DPH5: variants seen among roughly 807,000 people sequenced by gnomAD.
The protein encoded by DPH5 is diphthamide biosynthesis 5, also known as diphthine methyl ester synthase.
A neutral mutation model predicts 31.6 loss-of-function variants in DPH5; 31 were observed. The ratio of observed to expected loss-of-function variants is 0.98; its 90% confidence interval spans 0.74 to 1.32. DPH5 has a LOEUF of 1.32. Among genes scored for constraint, DPH5 ranks in the 40% most tolerant of loss-of-function variants. The pLI is 0.00. For synonymous variants in DPH5, 120 were observed against 115.0 expected (o/e 1.04, Z -0.28); for missense variants, 309 against 335.7 (o/e 0.92, Z 0.62).
intron 6 of DPH5, 138 bp from the exon 7 acceptor site, chr1:100,992,878 T>C (rs1264604946): frequency 9.4e-6 from 5 of 534,586 alleles, no homozygotes; most frequent in Admixed American, 6.3e-5. Context: ...GTACTCACTT[T>C]AAGCATACAC....
chr1:101,011,311 T>C (rs1056731405), intron 4 of DPH5, among the ~76,000 whole-genome samples: 8 of 152,218 alleles, frequency 5.3e-5, no homozygotes, highest in African/African-American at 1.7e-4. Context: ...TATATCTTCA[T>C]AGAAATGTGA....
intron 2 of DPH5, chr1:101,024,960 AG>A (rs1346441805): frequency 4.8e-6 from 1 of 210,406 alleles, no homozygotes; most frequent in African/African-American, 2.3e-5. Flanking sequence ...CAACTCATTA[AG>A]GCTGTGTCAG....
chr1:101,013,600 ATAG>A (rs957564478), intron 4 of DPH5, 107 bp downstream of exon 4: 8 of 762,892 alleles, frequency 1.0e-5, no homozygotes, highest in African/African-American at 8.8e-5. Context: ...CTAGTATCAA[ATAG>A]TAGTATGTTT....
intron 3 of DPH5, among the ~76,000 whole-genome samples, chr1:101,014,805 C>T (rs1187569921): frequency 6.6e-6 from 1 of 152,182 alleles, no homozygotes; most frequent in East Asian, 1.9e-4. Context: ...TATTCTAAAT[C>T]CTTTGTTGTC....
At chr1:100,994,397 G>A (rs1018084950) in intron 6 of DPH5, among the ~76,000 whole-genome samples, 1 of 152,076 alleles carries the variant, frequency 6.6e-6, no homozygotes, top group Non-Finnish European at 1.5e-5. Flanking sequence ...AAGTGGGTAG[G>A]GGGTACTGTA....
In DPH5 at chr1:101,021,780, C is replaced by G. The variant is rs776250198; in HGVS notation, c.136-15G>C. ...TAAAACTCTTCCTACAGATATAAGT[C>G]CAATATCAAGATAAAGAGACAGCAG... On this transcript the variant is annotated splice_polypyrimidine_tract_variant and intron_variant, in intron 2 of 7. Transcript: ENST00000370109. 6.3e-7 allele frequency: 1 copy of G among 1,588,694 alleles called. No homozygotes were observed. The highest frequency in any genetic ancestry group is 1.7e-5 in the Admixed American group (1 of 58,730).
At chr1:100,994,094 C>T (rs2101147220) in intron 6 of DPH5, among the ~76,000 whole-genome samples, 1 of 152,148 alleles carries the variant, frequency 6.6e-6, no homozygotes, top group South Asian at 2.1e-4. Flanking sequence ...TGTAATTTAA[C>T]ACCTACTCAT....
chr1:101,025,458 G>T lies in DPH5; in HGVS notation c.-15C>A, dbSNP rs1186194825. 1 of 1,613,718 alleles carries T rather than the reference G, an allele frequency of 6.2e-7. No individual in the cohort carries two copies. Among genetic ancestry groups the T allele is most frequent in the Non-Finnish European group, 8.5e-7 (1 of 1,179,976 alleles). Reference sequence around the variant, plus strand: ...AGATAAAGCATTTCAAACTTGAGGAGAAGAGAGACTGCAAGACGAAGTGGA... The same window carrying T: ...AGATAAAGCATTTCAAACTTGAGGATAAGAGAGACTGCAAGACGAAGTGGA... On this transcript the variant is annotated 5_prime_UTR_variant, in exon 2 of 8. Transcript: ENST00000370109.
chr1:100,997,541 AT>A (rs1658471748), intron 5 of DPH5, among the ~76,000 whole-genome samples: 1 of 151,724 alleles, frequency 6.6e-6, no homozygotes, highest in Non-Finnish European at 1.5e-5. Context: ...AATTTTTTGT[AT>A]TTTTAGTAGA....
In DPH5 at chr1:100,990,354, A is replaced by C. The variant is rs1365424379; in HGVS notation, c.*54T>G. 1 of 1,534,456 alleles carries C rather than the reference A, an allele frequency of 6.5e-7. No homozygotes were observed. Among genetic ancestry groups the C allele is most frequent in the African/African-American group, 1.4e-5 (1 of 73,302 alleles). ...ACTTGGGTGGGGATACATCCAAACC[A>C]TATCAATCCATATATGGCTGAAATT... On this transcript the variant is annotated 3_prime_UTR_variant, in exon 8 of 8. Coordinates refer to ENST00000370109, the MANE Select transcript of DPH5 (RefSeq NM_015958.3).
At chr1:100,995,222 TAAGAGTCACCTA>T (rs948990227) in intron 5 of DPH5, 73 bp from the exon 6 acceptor site, 1 of 1,017,150 alleles carries the variant, frequency 9.8e-7, no homozygotes, top group African/African-American at 1.6e-5. Flanking sequence ...AAACCTCAGT[TAAGAGTCACCTA>T]AATTTTGGGG....
At chr1:101,021,868 T>G (rs1660485748) in intron 2 of DPH5, 103 bp from the exon 3 acceptor site, 4 of 1,213,390 alleles carry the variant, frequency 3.3e-6, no homozygotes, top group East Asian at 2.5e-5. Flanking sequence ...ACTCTTTGTT[T>G]GGGACTGGTG....
intron 6 of DPH5, among the ~76,000 whole-genome samples, chr1:100,994,473 C>T (rs543830640): frequency 2.0e-5 from 3 of 151,602 alleles, no homozygotes; most frequent in Non-Finnish European, 4.4e-5. Flanking sequence ...GAAAATAAGG[C>T]TCAGAGATGG....
chr1:101,010,548 AG>A (rs1167064938), intron 4 of DPH5, among the ~76,000 whole-genome samples: 2 of 152,212 alleles, frequency 1.3e-5, no homozygotes, highest in East Asian at 3.8e-4. Context: ...AATAGTTCAA[AG>A]GGGGTTGATA....
At position 100,992,742 on chromosome 1, in the gene DPH5, T is replaced by C; in HGVS notation, c.531-2A>G. On this transcript the variant is annotated splice_acceptor_variant, in intron 6 of 7. Coordinates refer to ENST00000370109, the MANE Select transcript of DPH5 (RefSeq NM_015958.3). LOFTEE classifies it high-confidence loss of function. ...GGAGGTTCATAGATCTTCCTTCCCCTATAGGCAGAAAACTAGATGCCACTG... is the reference window on the plus strand; with the variant it reads ...GGAGGTTCATAGATCTTCCTTCCCCCATAGGCAGAAAACTAGATGCCACTG... 1 of 1,607,046 alleles carries C rather than the reference T, an allele frequency of 6.2e-7. No individual in the cohort carries two copies. Among genetic ancestry groups the C allele is most frequent in the Non-Finnish European group, 8.5e-7 (1 of 1,174,322 alleles).
chr1:101,001,556 A>G lies in DPH5; in HGVS notation c.401T>C (p.Val134Ala). Residue 134 changes from valine to alanine, a missense_variant, in exon 5 of 8, where the codon GTT becomes GCT. Physicochemically the swap from Val to Ala is moderately conservative, Grantham distance 64. Coordinates refer to ENST00000370109, the MANE Select transcript of DPH5 (RefSeq NM_015958.3). The part of the protein sequence containing the change: ...LYKFGETVSI[V>A]FWTDTWRPES... ...TGGTCTCCAAGTGTCTGTCCAAAAA[A>G]CAATAGAAACTGTCTCTCCAAACTT... 1 of 1,603,972 alleles carries G rather than the reference A, an allele frequency of 6.2e-7. No homozygotes were observed. Among genetic ancestry groups the G allele is most frequent in the South Asian group, 1.1e-5 (1 of 90,630 alleles).
intron 5 of DPH5, chr1:100,995,603 A>G (rs1012679599): frequency 4.4e-5 from 7 of 157,398 alleles, no homozygotes; most frequent in African/African-American, 1.4e-4. Flanking sequence ...TTTTGAATAA[A>G]TACTTTAATT....
chr1:100,999,350 T>C (rs1328535806), intron 5 of DPH5, among the ~76,000 whole-genome samples: 1 of 152,072 alleles, frequency 6.6e-6, no homozygotes, highest in African/African-American at 2.4e-5. Flanking sequence ...CCTAGAAGGC[T>C]GAGGTGGGAG....
At chr1:101,002,421 TTC>T (rs1357125545) in intron 4 of DPH5, among the ~76,000 whole-genome samples, 1 of 152,198 alleles carries the variant, frequency 6.6e-6, no homozygotes, top group Non-Finnish European at 1.5e-5. Context: ...AGTGATAAAA[TTC>T]TGTTTTTCCT....
Sources: gnomAD v4.1 joint callset for allele counts (sites outside exome capture counted in the v4.1 genomes callset) on GRCh38, gnomAD v4.1.1 for gene constraint, MANE v1.5 for transcripts, NCBI Gene and HGNC (gene_info 2026-07-23, HGNC 2026-07-21) for gene names.